Variants in HSD17B12 observed in about 807,000 individuals in gnomAD.
The protein encoded by HSD17B12 is hydroxysteroid 17-beta dehydrogenase 12.
HSD17B12 carries 32 observed loss-of-function variants against 39.3 expected under a neutral mutation model. The ratio of observed to expected loss-of-function variants is 0.81; its 90% CI spans 0.61 to 1.09. The LOEUF (loss-of-function observed/expected upper bound fraction) is 1.09, where lower values mean the gene tolerates loss of function less well. Ranked by LOEUF, HSD17B12 falls within the 50% of genes least tolerant of loss-of-function variation. The pLI, the probability that HSD17B12 is intolerant of heterozygous loss-of-function variation, is 0.00. For missense variants in HSD17B12, 342 were observed against 382.9 expected (o/e 0.89, Z 0.89); for synonymous variants, 150 against 146.7 (o/e 1.02, Z -0.16).
intron 8 of HSD17B12, 89 bp downstream of exon 8, chr11:43,838,487 G>T: frequency 9.8e-7 from 1 of 1,018,468 alleles, no homozygotes; most frequent in Non-Finnish European, 1.5e-6. Flanking sequence ...CTTTCCTGAA[G>T]TTCTGTTCTT....
intron 2 of HSD17B12, among the ~76,000 whole-genome samples, chr11:43,752,476 G>C (rs1387406376): frequency 1.3e-5 from 2 of 152,264 alleles, no homozygotes; most frequent in East Asian, 3.9e-4. Flanking sequence ...CACTTTGGGA[G>C]GCTGAGGTGG....
chr11:43,672,622 A>G, the HSD17B12 span, among the ~76,000 whole-genome samples: 1 of 151,910 alleles, frequency 6.6e-6, no homozygotes, highest in Non-Finnish European at 1.5e-5. Flanking sequence ...ATCTTGGCTC[A>G]CTGCAACCTC....
chr11:43,754,013 C>G, intron 2 of HSD17B12, 33 bp from the exon 3 acceptor site: 1 of 1,429,108 alleles, frequency 7.0e-7, no homozygotes. Context: ...GTGACATGCA[C>G]AGGTGTGATT....
At chr11:43,632,990 G>C in the HSD17B12 span, among the ~76,000 whole-genome samples, 18 of 152,190 alleles carry the variant, frequency 1.2e-4, no homozygotes, top group Non-Finnish European at 2.2e-4. Context: ...TGGTTATAAT[G>C]TAAAGAGGAG....
intron 3 of HSD17B12, among the ~76,000 whole-genome samples, chr11:43,795,192 A>G (rs1950905679): frequency 6.6e-6 from 1 of 152,158 alleles, no homozygotes; most frequent in East Asian, 1.9e-4. Flanking sequence ...CATGCAGGGT[A>G]ATAGGCTATG....
At chr11:43,646,054 A>G in the HSD17B12 span, 2 of 151,786 alleles carry the variant, frequency 1.3e-5, no homozygotes, top group South Asian at 4.2e-4. Context: ...CTGAGGCAGG[A>G]GAATCGGCTT....
At chr11:43,805,333 T>C (rs562998566) in intron 4 of HSD17B12, among the ~76,000 whole-genome samples, 1 of 152,316 alleles carries the variant, frequency 6.6e-6, no homozygotes, top group South Asian at 2.1e-4. Context: ...GTCTACTTCT[T>C]GCTGGGTCAG....
At chr11:43,772,476 A>G (rs942742687) in intron 3 of HSD17B12, among the ~76,000 whole-genome samples, 1 of 152,216 alleles carries the variant, frequency 6.6e-6, no homozygotes, top group Non-Finnish European at 1.5e-5. Flanking sequence ...CTCTTGGCAC[A>G]ATTACAAGAT....
chr11:43,638,159 C>G, the HSD17B12 span, among the ~76,000 whole-genome samples: 1 of 152,178 alleles, frequency 6.6e-6, no homozygotes, highest in African/African-American at 2.4e-5. Context: ...TCTGGATCAT[C>G]ATAGACACAT....
chr11:43,567,900 C>G, the HSD17B12 span, among the ~76,000 whole-genome samples: 10 of 152,128 alleles, frequency 6.6e-5, no homozygotes. Context: ...GACTAATAGA[C>G]CCCCTTAGTG....
At chr11:43,667,987 T>C in the HSD17B12 span, among the ~76,000 whole-genome samples, 1 of 152,142 alleles carries the variant, frequency 6.6e-6, no homozygotes, top group African/African-American at 2.4e-5. Context: ...TTTTGAGGGC[T>C]GTAGAGAAGG....
intron 3 of HSD17B12, among the ~76,000 whole-genome samples, chr11:43,794,522 G>C (rs1220500440): frequency 6.6e-6 from 1 of 152,174 alleles, no homozygotes; most frequent in Non-Finnish European, 1.5e-5. Flanking sequence ...ACTAAAACTA[G>C]GGCATTGTGA....
At chr11:43,713,610 G>A (rs1423394942) in intron 1 of HSD17B12, among the ~76,000 whole-genome samples, 1 of 152,108 alleles carries the variant, frequency 6.6e-6, no homozygotes, top group African/African-American at 2.4e-5. Flanking sequence ...TGTCTTTATA[G>A]CAGCATGATT....
At chr11:43,714,193 T>C (rs1258268144) in intron 1 of HSD17B12, among the ~76,000 whole-genome samples, 3 of 152,242 alleles carry the variant, frequency 2.0e-5, no homozygotes, top group Non-Finnish European at 4.4e-5. Context: ...CATGAAGTCC[T>C]TGCCCATGCC....
chr11:43,834,331 C>T, intron 7 of HSD17B12, among the ~76,000 whole-genome samples: 1 of 151,484 alleles, frequency 6.6e-6, no homozygotes, highest in East Asian at 1.9e-4. Flanking sequence ...TTTTGTACTC[C>T]TTGATATGAA....
At chr11:43,603,471 A>G in the HSD17B12 span, among the ~76,000 whole-genome samples, 2 of 152,228 alleles carry the variant, frequency 1.3e-5, no homozygotes, top group African/African-American at 4.8e-5. Flanking sequence ...TCAAAAATAT[A>G]AAGGAATTAC....
At chr11:43,677,178 G>T (rs554322673), upstream of HSD17B12, among the ~76,000 whole-genome samples, 2 of 152,272 alleles carry the variant, frequency 1.3e-5, no homozygotes, top group African/African-American at 4.8e-5. Flanking sequence ...ATGGAGAAGG[G>T]GGGGTTTGGG....
chr11:43,612,510 A>G, the HSD17B12 span, among the ~76,000 whole-genome samples: 738 of 152,286 alleles, frequency 4.8e-3, 3 homozygotes, highest in Non-Finnish European at 8.9e-3. Flanking sequence ...TCATTTGACA[A>G]TGGTATAATG....
chr11:43,830,914 T>A, intron 6 of HSD17B12, 62 bp from the exon 7 acceptor site: 1 of 1,394,930 alleles, frequency 7.2e-7, no homozygotes, highest in South Asian at 1.2e-5. Flanking sequence ...TGAGTTTTCT[T>A]CACTCTTTTT....
Sources: allele counts gnomAD v4.1 joint callset (sites outside exome capture counted in the v4.1 genomes callset), GRCh38; gene constraint gnomAD v4.1.1; transcripts MANE v1.5; gene names NCBI Gene and HGNC (gene_info 2026-07-23, HGNC 2026-07-21).